Variants in CPED1 observed in about 807,000 individuals in gnomAD.
CPED1 encodes cadherin-like and PC-esterase domain-containing protein 1.
A neutral mutation model predicts 128.2 loss-of-function variants in CPED1; 114 were observed. That is an observed-to-expected ratio of 0.89 (90% CI 0.76 to 1.04). CPED1 has a LOEUF of 1.04. CPED1 is among the 50% of genes least tolerant of loss of function. CPED1 has a pLI of 0.00. For synonymous variants in CPED1, 462 were observed against 426.7 expected (o/e 1.08, Z -1.02); for missense variants, 1,211 against 1,207.1 (o/e 1.00, Z -0.05).
chr7:121,246,361 A>G (rs569721549), intron 18 of CPED1, among the ~76,000 whole-genome samples: 2 of 152,288 alleles, frequency 1.3e-5, no homozygotes, highest in Admixed American at 6.5e-5. Flanking sequence ...CTATAATAAC[A>G]TACAATAGAC....
chr7:121,082,185 T>C (rs1794311268), intron 5 of CPED1, among the ~76,000 whole-genome samples: 1 of 152,156 alleles, frequency 6.6e-6, no homozygotes. Flanking sequence ...ACTTGTAAAA[T>C]GGAAATAATT....
At position 121,266,727 on chromosome 7, in the gene CPED1, C is replaced by T; in HGVS notation, c.2552C>T (p.Thr851Ile). The T allele has an allele frequency of 1.9e-6, 3 of 1,612,708 alleles. No homozygotes were observed. Among genetic ancestry groups the T allele is most frequent in the South Asian group, 2.2e-5 (2 of 91,028 alleles). ...TTCAGATCACGTCCCCTAGAGAATA[C>T]TGGCCAGACTGTATTGGTTGTTGGT... ...LLQRSRPLEN[T>I]GQTVLVVGGV... Residue 851 changes from threonine to isoleucine, a missense_variant, in exon 20 of 23, where the codon ACT becomes ATT. Physicochemically the swap from Thr to Ile is moderately conservative, Grantham distance 89. Coordinates refer to ENST00000310396, the MANE Select transcript of CPED1 (RefSeq NM_024913.5).
chr7:120,994,583 G>T (rs565973537), intron 2 of CPED1, among the ~76,000 whole-genome samples: 5 of 151,164 alleles, frequency 3.3e-5, no homozygotes, highest in African/African-American at 1.2e-4. Context: ...TGAAATAGCT[G>T]GATAGCCTGA....
chr7:121,003,089 G>A (rs1791908340), intron 2 of CPED1, among the ~76,000 whole-genome samples: 1 of 152,174 alleles, frequency 6.6e-6, no homozygotes, highest in Non-Finnish European at 1.5e-5. Context: ...TGCGTATTCA[G>A]TATAGAACTC....
At chr7:121,225,304 C>T (rs1459487475) in intron 16 of CPED1, among the ~76,000 whole-genome samples, 2 of 152,156 alleles carry the variant, frequency 1.3e-5, no homozygotes, top group Non-Finnish European at 2.9e-5. Flanking sequence ...TATTGGCCCC[C>T]ACTCTCTTCT....
intron 22 of CPED1, among the ~76,000 whole-genome samples, chr7:121,287,503 A>G (rs1792609624): frequency 6.6e-6 from 1 of 152,180 alleles, no homozygotes. Context: ...GTTTGTAACC[A>G]CTAGCACTCC....
intron 2 of CPED1, among the ~76,000 whole-genome samples, chr7:121,007,135 C>G (rs1349923272): frequency 3.3e-5 from 5 of 151,654 alleles, no homozygotes. Context: ...TAGGGGTTAG[C>G]TTGGGGAAGG....
At chr7:121,066,368 G>C (rs1446034925) in intron 5 of CPED1, among the ~76,000 whole-genome samples, 1 of 151,714 alleles carries the variant, frequency 6.6e-6, no homozygotes, top group East Asian at 1.9e-4. Flanking sequence ...CCATTTCATA[G>C]GTTTAATTTT....
At chr7:121,032,538 G>T (rs1300738413) in intron 3 of CPED1, among the ~76,000 whole-genome samples, 1 of 148,730 alleles carries the variant, frequency 6.7e-6, no homozygotes, top group African/African-American at 2.5e-5. Context: ...GGGCCTGTCA[G>T]GGTGTCGGGG....
intron 16 of CPED1, among the ~76,000 whole-genome samples, chr7:121,170,044 A>G (rs992137819): frequency 1.3e-5 from 2 of 152,180 alleles, no homozygotes; most frequent in African/African-American, 4.8e-5. Flanking sequence ...GCTTACATGC[A>G]TATCTCCCCT....
chr7:121,003,341 G>C (rs1585011476), intron 2 of CPED1, among the ~76,000 whole-genome samples: 1 of 152,076 alleles, frequency 6.6e-6, no homozygotes, highest in African/African-American at 2.4e-5. Flanking sequence ...TCTAGGAAAG[G>C]AAATTCCTTT....
chr7:121,205,512 G>A (rs979557784), intron 16 of CPED1, among the ~76,000 whole-genome samples: 1 of 151,808 alleles, frequency 6.6e-6, no homozygotes, highest in Admixed American at 6.6e-5. Flanking sequence ...TTCTAGTGTT[G>A]TTTTTGTTGT....
intron 16 of CPED1, among the ~76,000 whole-genome samples, chr7:121,159,337 G>C (rs558390024): frequency 9.2e-5 from 14 of 152,258 alleles, no homozygotes; most frequent in African/African-American, 3.4e-4. Context: ...ACCAGAATCT[G>C]TGAGTGGGGA....
intron 22 of CPED1, among the ~76,000 whole-genome samples, chr7:121,276,741 G>T (rs1792338384): frequency 6.6e-6 from 1 of 152,146 alleles, no homozygotes; most frequent in Non-Finnish European, 1.5e-5. Flanking sequence ...ATAGAATAAT[G>T]TGAACCAAAG....
intron 22 of CPED1, among the ~76,000 whole-genome samples, chr7:121,280,506 G>A (rs965547021): frequency 1.3e-5 from 2 of 152,098 alleles, no homozygotes; most frequent in Non-Finnish European, 2.9e-5. Flanking sequence ...GGAAGGGTGG[G>A]GGACAGACAA....
intron 18 of CPED1, among the ~76,000 whole-genome samples, chr7:121,255,169 T>C (rs1015282913): frequency 1.3e-5 from 2 of 152,032 alleles, no homozygotes; most frequent in African/African-American, 2.4e-5. Context: ...AACCAAATAC[T>C]AGCAAACCGA....
chr7:121,188,741 G>A (rs984499617), intron 16 of CPED1, among the ~76,000 whole-genome samples: 4 of 152,032 alleles, frequency 2.6e-5, no homozygotes, highest in African/African-American at 7.2e-5. Flanking sequence ...AGGAATGGGA[G>A]TAGTGGTAAA....
At chr7:121,248,146 G>C (rs1798580395) in intron 18 of CPED1, among the ~76,000 whole-genome samples, 1 of 152,168 alleles carries the variant, frequency 6.6e-6, no homozygotes, top group African/African-American at 2.4e-5. Flanking sequence ...CAAGAGTGCT[G>C]AGCCAGGATA....
intron 16 of CPED1, among the ~76,000 whole-genome samples, chr7:121,224,899 C>G (rs1797966813): frequency 1.3e-5 from 2 of 149,300 alleles, no homozygotes; most frequent in African/African-American, 4.9e-5. Context: ...CTGAATACAG[C>G]ACACTGATGG....
Sources: allele counts gnomAD v4.1 joint callset (sites outside exome capture counted in the v4.1 genomes callset), GRCh38; gene constraint gnomAD v4.1.1; transcripts MANE v1.5; gene names NCBI Gene and HGNC (gene_info 2026-07-23, HGNC 2026-07-21).